MED12L: variants seen among roughly 807,000 people sequenced by gnomAD.
MED12L encodes mediator complex subunit 12L.
In MED12L, 60 loss-of-function variants were observed where a neutral mutation model predicts 281.3. The observed-to-expected ratio is 0.21, with a 90% CI of 0.17 to 0.26. MED12L has a LOEUF of 0.26. Ranked by LOEUF, MED12L falls within the 10% of genes least tolerant of loss-of-function variation. MED12L has a pLI of 1.00. For missense variants in MED12L, 2,146 were observed against 2,680.9 expected (o/e 0.80, Z 4.41); for synonymous variants, 974 against 987.2 (o/e 0.99, Z 0.25).
chr3:151,152,084 GGTTTT>G (rs1718600082), intron 5 of MED12L, among the ~76,000 whole-genome samples: 7 of 110,860 alleles, frequency 6.3e-5, no homozygotes, highest in Non-Finnish European at 1.1e-4. Context: ...AGTTGAAGGT[GGTTTT>G]TTTTTTTTTT....
chr3:151,269,801 C>T (rs1339066638), intron 16 of MED12L: 1 of 418,528 alleles, frequency 2.4e-6, no homozygotes, highest in Non-Finnish European at 4.7e-6. Flanking sequence ...AAATGCAAAT[C>T]TGGAAAGGAT....
chr3:151,401,617 A>G (rs1715694089), intron 39 of MED12L, among the ~76,000 whole-genome samples: 1 of 152,200 alleles, frequency 6.6e-6, no homozygotes, highest in Non-Finnish European at 1.5e-5. Flanking sequence ...TCCTGATCAT[A>G]TAAATAGAGC....
intron 11 of MED12L, among the ~76,000 whole-genome samples, chr3:151,169,122 G>GTTTT (rs1179594098): frequency 3.6e-5 from 3 of 82,572 alleles, no homozygotes; most frequent in African/African-American, 8.7e-5. Context: ...TTTTTTTTTT[G>GTTTT]TTTTTTTTTT....
At chr3:151,106,678 T>C (rs1186277334) in intron 2 of MED12L, among the ~76,000 whole-genome samples, 1 of 152,146 alleles carries the variant, frequency 6.6e-6, no homozygotes, top group Non-Finnish European at 1.5e-5. Context: ...TCCATGCCCA[T>C]CCTCTGTCTT....
intron 2 of MED12L, among the ~76,000 whole-genome samples, chr3:151,090,838 G>A (rs997318931): frequency 1.3e-5 from 2 of 152,174 alleles, no homozygotes; most frequent in East Asian, 3.9e-4. Flanking sequence ...TCAGGAGTTC[G>A]AGACCAGCCT....
At chr3:151,378,241 A>G (rs1711573236) in intron 31 of MED12L, 68 bp downstream of exon 31, 10 of 1,443,348 alleles carry the variant, frequency 6.9e-6, no homozygotes, top group Non-Finnish European at 9.3e-6. Flanking sequence ...ACTTCCTGTA[A>G]ACCTGTGTGG....
In MED12L at chr3:151,094,994, G is replaced by A. The variant is rs898004935; in HGVS notation, c.99+7969G>A. 4.6e-5 allele frequency among the ~76,000 whole-genome samples: 7 copies of A among 152,202 alleles called. No individual in the cohort carries two copies. The East Asian group carries it at 1.2e-3, about 25-fold the overall frequency. ...GATCTGCCAAAAGCTGGATAGGGCT[G>A]GAGTTAGGACTGTTAGGTGATCATT... On this transcript the variant is annotated intron_variant, in intron 2 of 44. Coordinates refer to ENST00000687756, the MANE Select transcript of MED12L (RefSeq NM_001393769.1).
At chr3:151,296,925 C>T (rs1185437942) in intron 16 of MED12L, among the ~76,000 whole-genome samples, 2 of 152,086 alleles carry the variant, frequency 1.3e-5, no homozygotes, top group African/African-American at 4.8e-5. Context: ...TGTTTTGGTT[C>T]CCTTCTTTGA....
Position 151,329,678 on chromosome 3 carries a change from A to G in MED12L, c.2251-20381A>G, listed in dbSNP as rs182589000. On this transcript the variant is annotated intron_variant, in intron 16 of 44. Transcript: ENST00000687756. The stretch of plus-strand genomic sequence containing the variant: ...TTTGCTAATACTCTATTTTAGTTCA[A>G]ACTTTCATACTGTTAATCTGTGACT... 1.8e-4 allele frequency: 89 copies of G among 506,094 alleles called. 1 individual carries two copies. The highest frequency in any genetic ancestry group is 1.1e-3 in the East Asian group (34 of 30,308). 31.4% of individuals were successfully genotyped at this position (506,094 alleles called of 1,614,324 possible).
intron 7 of MED12L, 88 bp downstream of exon 7, chr3:151,158,887 G>T: frequency 1.2e-6 from 1 of 839,990 alleles, no homozygotes; most frequent in Non-Finnish European, 2.0e-6. Flanking sequence ...AGAGGAAAAG[G>T]AAAAAATATC....
intron 2 of MED12L, among the ~76,000 whole-genome samples, chr3:151,095,600 C>T (rs1052568815): frequency 6.6e-6 from 1 of 152,202 alleles, no homozygotes; most frequent in East Asian, 1.9e-4. Flanking sequence ...GGCTGACTTT[C>T]TTTCAGTCTA....
At position 151,432,841 on chromosome 3, in the gene MED12L, C is replaced by T. The variant is rs766328454; in HGVS notation, c.*37C>T. ...GAGAAGACATGACGTTTTATGTTTG[C>T]ACTGAAAAACAGAAAATCAAATTTA... On this transcript the variant is annotated 3_prime_UTR_variant, in exon 45 of 45. Coordinates refer to ENST00000687756, the MANE Select transcript of MED12L (RefSeq NM_001393769.1). The T allele has an allele frequency of 6.6e-7, 1 of 1,521,934 alleles. No individual in the cohort carries two copies. The highest frequency in any genetic ancestry group is 1.2e-5 in the South Asian group (1 of 83,406). The allele number at this position is 1,521,934 out of a possible 1,614,324, so 94.3% of individuals were successfully genotyped here.
At chr3:151,146,079 T>TG (rs1289920060) in intron 5 of MED12L, among the ~76,000 whole-genome samples, 1 of 152,250 alleles carries the variant, frequency 6.6e-6, no homozygotes, top group African/African-American at 2.4e-5. Flanking sequence ...TGCCACTGCC[T>TG]GGGTCAGAGT....
At chr3:151,326,625 G>A (rs1333266718) in intron 16 of MED12L, 1 of 152,174 alleles carries the variant, frequency 6.6e-6, no homozygotes, top group Non-Finnish European at 1.5e-5. Flanking sequence ...GGCATTTTCT[G>A]AAAGTTAGAA....
At chr3:151,400,940 G>A (rs1047520072) in intron 39 of MED12L, among the ~76,000 whole-genome samples, 2 of 152,062 alleles carry the variant, frequency 1.3e-5, no homozygotes, top group African/African-American at 4.8e-5. Flanking sequence ...ATGTGGATGA[G>A]TCTCCTTGTA....
intron 16 of MED12L, among the ~76,000 whole-genome samples, chr3:151,346,469 T>A (rs73869016): frequency 0.023 from 3,577 of 152,254 alleles, 136 homozygotes; most frequent in African/African-American, 0.083. Flanking sequence ...TTTAACCGCT[T>A]GTTTCTTAGC....
intron 31 of MED12L, 115 bp from the exon 32 acceptor site, chr3:151,379,998 G>T: frequency 1.2e-4 from 70 of 604,224 alleles, no homozygotes; most frequent in East Asian, 2.5e-4. Flanking sequence ...AGCAGTCTTT[G>T]GCTATTTACC....
chr3:151,098,276 A>G (rs935637215), intron 2 of MED12L, among the ~76,000 whole-genome samples: 5 of 152,320 alleles, frequency 3.3e-5, no homozygotes, highest in Non-Finnish European at 7.4e-5. Flanking sequence ...TGAGGGTCAT[A>G]TTGAGGCAGA....
intron 2 of MED12L, among the ~76,000 whole-genome samples, chr3:151,100,527 CTG>C (rs1721265480): frequency 6.6e-6 from 1 of 152,202 alleles, no homozygotes; most frequent in African/African-American, 2.4e-5. Context: ...TCTATCAAAA[CTG>C]TGGCTGAGGC....
Sources: allele counts gnomAD v4.1 joint callset (sites outside exome capture counted in the v4.1 genomes callset), GRCh38; gene constraint gnomAD v4.1.1; transcripts MANE v1.5; gene names NCBI Gene and HGNC (gene_info 2026-07-23, HGNC 2026-07-21).